The following KCNQ4 variants were observed in gnomAD, a reference collection of about 807,000 sequenced individuals.
KCNQ4 encodes potassium voltage-gated channel subfamily KQT member 4.
In KCNQ4, 31 loss-of-function variants were observed where a neutral mutation model predicts 72.6. That is an observed-to-expected ratio of 0.43 (90% CI 0.32 to 0.58). The LOEUF is 0.58. Ranked by LOEUF, KCNQ4 falls within the 20% of genes least tolerant of loss-of-function variation. KCNQ4 has a pLI of 0.08. For missense variants in KCNQ4, 869 were observed against 962.6 expected, an observed-to-expected ratio of 0.90 and a Z score of 1.29; for synonymous variants, 405 against 403.7, an observed-to-expected ratio of 1.00 and a Z score of -0.04.
At chr1:40,818,935 C>T (rs1246165766) in intron 4 of KCNQ4, 3 of 607,188 alleles carry the variant, frequency 4.9e-6, no homozygotes, top group Non-Finnish European at 9.0e-6. Context: ...TGAGGGTTTC[C>T]CCTGGATGCT....
intron 1 of KCNQ4, among the ~76,000 whole-genome samples, chr1:40,815,024 G>A (rs1350065919): frequency 2.6e-5 from 4 of 151,980 alleles, no homozygotes; most frequent in African/African-American, 7.2e-5. Flanking sequence ...GGTGGATCAC[G>A]AGGTCAGGAG....
In KCNQ4 at chr1:40,784,770, C is replaced by G. The variant is rs1490706589; in HGVS notation, c.314+363C>G. On this transcript the variant is annotated intron_variant, in intron 1 of 13. Coordinates refer to ENST00000347132, the MANE Select transcript of KCNQ4 (RefSeq NM_004700.4). This position sits in a 1 kb window ranked among gnomAD's most constrained non-coding sequence, Gnocchi z 4.1. ...GAGTGGGCGCCCTTTTCCTCTTCCCCACCCCTGCCTCCCTGTGTCCCAGAC... is the reference window on the plus strand; with the variant it reads ...GAGTGGGCGCCCTTTTCCTCTTCCCGACCCCTGCCTCCCTGTGTCCCAGAC... 6.6e-6 allele frequency among the ~76,000 whole-genome samples: 1 copy of G among 152,214 alleles called. No homozygotes were observed. Among genetic ancestry groups the G allele is most frequent in the Non-Finnish European group, 1.5e-5 (1 of 68,032 alleles).
At chr1:40,831,346 G>T (rs1242459802) in intron 10 of KCNQ4, 42 bp downstream of exon 10, 1 of 1,515,698 alleles carries the variant, frequency 6.6e-7, no homozygotes, top group East Asian at 2.4e-5. Flanking sequence ...GGCCGGCTGA[G>T]GGTGGCAGGG....
At chr1:40,834,432 G>A (rs1648749105) in intron 11 of KCNQ4, among the ~76,000 whole-genome samples, 1 of 152,018 alleles carries the variant, frequency 6.6e-6, no homozygotes, top group Admixed American at 6.6e-5. Context: ...ACACAGGCTG[G>A]CAGAGCTGGC....
Position 40,784,959 on chromosome 1 carries a change from T to C in KCNQ4, c.314+552T>C, listed in dbSNP as rs1036504714. On this transcript the variant is annotated intron_variant, in intron 1 of 13. Coordinates refer to ENST00000347132, the MANE Select transcript of KCNQ4 (RefSeq NM_004700.4). The surrounding 1 kb of genome is among the most constrained non-coding windows in gnomAD (Gnocchi z 4.1). ...GGGTCCCTGTGGGCCCCCTGGGCCC[T>C]GACACTCGCATATGCTGTGTCCGAC... Among the ~76,000 whole-genome samples, 1 of 152,202 alleles carries C rather than the reference T, an allele frequency of 6.6e-6. No individual in the cohort carries two copies. Among genetic ancestry groups the C allele is most frequent in the African/African-American group, 2.4e-5 (1 of 41,464 alleles).
At chr1:40,807,166 G>A (rs1211560291) in intron 1 of KCNQ4, among the ~76,000 whole-genome samples, 1 of 152,166 alleles carries the variant, frequency 6.6e-6, no homozygotes, top group Non-Finnish European at 1.5e-5. Flanking sequence ...CCTCCAAGAG[G>A]GGGCATTTTT....
At chr1:40,809,987 C>G (rs1411745889) in intron 1 of KCNQ4, among the ~76,000 whole-genome samples, 1 of 152,074 alleles carries the variant, frequency 6.6e-6, no homozygotes, top group East Asian at 1.9e-4. Context: ...ATCTCTTGAA[C>G]CCAGGAGGCG....
At chr1:40,786,507 G>C (rs1470145539) in intron 1 of KCNQ4, among the ~76,000 whole-genome samples, 2 of 152,230 alleles carry the variant, frequency 1.3e-5, no homozygotes, top group East Asian at 3.9e-4. Flanking sequence ...GGAGCCCAGG[G>C]CCAGGGCATG....
intron 1 of KCNQ4, among the ~76,000 whole-genome samples, chr1:40,810,797 C>T (rs575623773): frequency 1.7e-4 from 26 of 152,256 alleles, no homozygotes; most frequent in Admixed American, 5.9e-4. Context: ...GGGACCTTAA[C>T]CATCACTGAG....
chr1:40,824,609 G>A (rs1648421692), intron 9 of KCNQ4, among the ~76,000 whole-genome samples: 1 of 152,216 alleles, frequency 6.6e-6, no homozygotes, highest in Non-Finnish European at 1.5e-5. Context: ...CCGGGAAGCT[G>A]GACAGAGGAG....
chr1:40,836,267 G>A (rs1347326538), intron 12 of KCNQ4, among the ~76,000 whole-genome samples: 2 of 152,292 alleles, frequency 1.3e-5, no homozygotes, highest in East Asian at 3.9e-4. Context: ...CTGATGGGGT[G>A]TTAAGAGAAA....
At chr1:40,785,410 A>G (rs1647192810) in intron 1 of KCNQ4, among the ~76,000 whole-genome samples, 1 of 152,090 alleles carries the variant, frequency 6.6e-6, no homozygotes, top group Admixed American at 6.5e-5. Context: ...ATGTGTGGCT[A>G]TTAATCCCTT....
At chr1:40,815,188 C>T (rs1034946927) in intron 1 of KCNQ4, among the ~76,000 whole-genome samples, 13 of 147,496 alleles carry the variant, frequency 8.8e-5, no homozygotes, top group African/African-American at 2.5e-4. Context: ...TGCAGTGAGC[C>T]GAGATCACAC....
At chr1:40,826,785 G>A in intron 9 of KCNQ4, 1 of 396,814 alleles carries the variant, frequency 2.5e-6, no homozygotes, top group Non-Finnish European at 5.2e-6. Context: ...CAAGGACAAG[G>A]TGCATGTGCC....
Position 40,799,438 on chromosome 1 carries a change from C to CG in KCNQ4, c.314+15031_314+15032insG, listed in dbSNP as rs987175604. ...AGGCAAATGTGTGGGCCATGCCCCC[C>CG]CCCTCGCTAGGCAGTAAACACTGCC... On this transcript the variant is annotated intron_variant, in intron 1 of 13. Transcript: ENST00000347132. Among the ~76,000 whole-genome samples, 228 of 150,994 alleles carry CG rather than the reference C, an allele frequency of 1.5e-3. 1 individual carries two copies. Among genetic ancestry groups the CG allele is most frequent in the Middle Eastern group, 0.015 (4 of 274 alleles).
chr1:40,820,049 A>C (rs550250181), intron 6 of KCNQ4, 64 bp downstream of exon 6: 47 of 1,551,130 alleles, frequency 3.0e-5, no homozygotes, highest in Non-Finnish European at 4.1e-5. Flanking sequence ...CCCCTGTCAC[A>C]CATTTGCCTG....
chr1:40,815,145 C>T (rs1380562039), intron 1 of KCNQ4, among the ~76,000 whole-genome samples: 1 of 150,488 alleles, frequency 6.6e-6, no homozygotes, highest in Non-Finnish European at 1.5e-5. Context: ...GAGGCTGAGG[C>T]AGCAGAATCG....
At chr1:40,814,227 T>C (rs1215246620) in intron 1 of KCNQ4, among the ~76,000 whole-genome samples, 2 of 151,642 alleles carry the variant, frequency 1.3e-5, no homozygotes, top group Non-Finnish European at 2.9e-5. Flanking sequence ...CTAACTTTTG[T>C]ATTTTTAGTA....
chr1:40,791,594 G>A (rs1028438420), intron 1 of KCNQ4, among the ~76,000 whole-genome samples: 2 of 152,206 alleles, frequency 1.3e-5, no homozygotes, highest in Non-Finnish European at 2.9e-5. Context: ...GAATCCGTGG[G>A]CAGCGCCTGA....
Sources: allele counts gnomAD v4.1 joint callset (sites outside exome capture counted in the v4.1 genomes callset), GRCh38; gene constraint gnomAD v4.1.1; non-coding constraint Gnocchi (gnomAD v3.1); transcripts MANE v1.5; gene names NCBI Gene and HGNC (gene_info 2026-07-23, HGNC 2026-07-21).